Variants in CR1L observed in about 807,000 individuals in gnomAD.
CR1L encodes complement component receptor 1-like protein.
A neutral mutation model predicts 62.3 loss-of-function variants in CR1L; 59 were observed. That is an observed-to-expected ratio of 0.95 (90% CI 0.77 to 1.18). CR1L has a LOEUF of 1.18. Among genes scored for constraint, CR1L ranks in the 50% most tolerant of loss-of-function variants. CR1L has a pLI of 0.00. For synonymous variants in CR1L, 279 were observed against 248.7 expected (o/e 1.12, Z -1.15); for missense variants, 700 against 702.8 (o/e 1.00, Z 0.04).
At chr1:207,677,336 A>AAAAAAAAT in intron 1 of CR1L, 53 bp from the exon 2 acceptor site, 1 of 970,778 alleles carries the variant, frequency 1.0e-6, no homozygotes, top group South Asian at 2.6e-5. Flanking sequence ...AAAAAAAAAA[A>AAAAAAAAT]AGTATGGTAA....
chr1:207,651,208 T>C (rs1338997528), intron 1 of CR1L, among the ~76,000 whole-genome samples: 1 of 152,172 alleles, frequency 6.6e-6, no homozygotes, highest in Non-Finnish European at 1.5e-5. Context: ...ATATTAATTA[T>C]AATATAAAAT....
At chr1:207,693,926 C>A (rs1664031691) in intron 4 of CR1L, among the ~76,000 whole-genome samples, 1 of 152,048 alleles carries the variant, frequency 6.6e-6, no homozygotes, top group South Asian at 2.1e-4. Flanking sequence ...GTTTAAATTC[C>A]TTTTCCTACT....
At chr1:207,679,354 A>T (rs946422440) in intron 3 of CR1L, among the ~76,000 whole-genome samples, 2 of 151,934 alleles carry the variant, frequency 1.3e-5, no homozygotes, top group African/African-American at 4.8e-5. Context: ...ATTGGGGCCC[A>T]CACTAACAAC....
At chr1:207,685,242 C>T (rs1234728741) in intron 4 of CR1L, among the ~76,000 whole-genome samples, 1 of 152,208 alleles carries the variant, frequency 6.6e-6, no homozygotes, top group Non-Finnish European at 1.5e-5. Flanking sequence ...TTGGAGAAGG[C>T]TAGGGGAAGA....
In CR1L at chr1:207,705,956, G is replaced by T. The variant is rs566251094; in HGVS notation, c.1329-2222G>T. The stretch of plus-strand genomic sequence containing the variant: ...GTTTGCACACGAATGAATATATGTA[G>T]TCAGTGTGTTTATATATTTCATTTC... On this transcript the variant is annotated intron_variant, in intron 9 of 11. Transcript: ENST00000508064. 3.5e-4 allele frequency among the ~76,000 whole-genome samples: 53 copies of T among 149,894 alleles called. No homozygotes were observed. In the East Asian group the frequency reaches 8.8e-3, roughly 25 times the overall value.
intron 4 of CR1L, among the ~76,000 whole-genome samples, chr1:207,687,065 C>T (rs771648879): frequency 1.6e-4 from 25 of 152,180 alleles, no homozygotes; most frequent in African/African-American, 5.8e-4. Context: ...CAACCAGCAC[C>T]GCCAATTAAT....
chr1:207,708,735 G>T (rs1190786775), intron 10 of CR1L, among the ~76,000 whole-genome samples: 1 of 152,150 alleles, frequency 6.6e-6, no homozygotes, highest in Non-Finnish European at 1.5e-5. Flanking sequence ...TCTACATTTT[G>T]GGGAGCAAAG....
chr1:207,655,285 T>C, intron 1 of CR1L: 2 of 644,002 alleles, frequency 3.1e-6, no homozygotes, highest in Non-Finnish European at 5.4e-6. Context: ...AGTAAGTAAA[T>C]TCTTTTTTTT....
intron 3 of CR1L, among the ~76,000 whole-genome samples, chr1:207,682,552 G>A (rs1663817302): frequency 2.0e-5 from 3 of 152,192 alleles, no homozygotes; most frequent in Admixed American, 2.0e-4. Context: ...TGTGTCAAGT[G>A]TCTGCAGAAG....
chr1:207,715,028 A>T (rs1008608734), intron 10 of CR1L, among the ~76,000 whole-genome samples: 4 of 152,216 alleles, frequency 2.6e-5, no homozygotes, highest in African/African-American at 9.7e-5. Context: ...TGCCTTCTGT[A>T]GGTGATGCTG....
intron 1 of CR1L, among the ~76,000 whole-genome samples, chr1:207,671,751 A>G (rs185115099): frequency 2.0e-5 from 3 of 150,560 alleles, no homozygotes; most frequent in African/African-American, 7.5e-5. Context: ...GTGAATACCC[A>G]TTTCTACAAA....
chr1:207,699,615 T>A (rs1664161054), intron 8 of CR1L, among the ~76,000 whole-genome samples: 1 of 152,230 alleles, frequency 6.6e-6, no homozygotes, highest in Non-Finnish European at 1.5e-5. Context: ...TTCAGTTCTT[T>A]TTTCCCTTCT....
Position 207,694,403 on chromosome 1 carries a change from A to T in CR1L, c.514A>T (p.Ile172Phe). The change falls in exon 5 of 12, where the codon ATC becomes TTC. Residue 172 changes from isoleucine (I) to phenylalanine (F), a missense_variant. Ile to Phe is a conservative substitution (Grantham distance 21). Coordinates refer to ENST00000508064, the MANE Select transcript of CR1L (RefSeq NM_175710.2). ...PTIANGDFTS[I>F]SREYFHYGSV... ...CATCGCCAATGGAGATTTCACTAGCATCAGCAGAGAGTATTTTCACTATGG... is the reference window on the plus strand; with the variant it reads ...CATCGCCAATGGAGATTTCACTAGCTTCAGCAGAGAGTATTTTCACTATGG... 6.2e-7 allele frequency: 1 copy of T among 1,614,012 alleles called. No individual in the cohort carries two copies. The highest frequency in any genetic ancestry group is 8.5e-7 in the Non-Finnish European group (1 of 1,179,882).
intron 3 of CR1L, 62 bp downstream of exon 3, chr1:207,678,359 C>T (rs1430183313): frequency 7.2e-7 from 1 of 1,392,314 alleles, no homozygotes; most frequent in African/African-American, 1.4e-5. Flanking sequence ...AGCCATACTA[C>T]CTTCTAGTCA....
chr1:207,652,253 A>G (rs974198808), intron 1 of CR1L, among the ~76,000 whole-genome samples: 10 of 152,370 alleles, frequency 6.6e-5, no homozygotes, highest in Admixed American at 5.2e-4. Context: ...AAAAATGTGG[A>G]GAAAGATGCA....
In CR1L at chr1:207,694,553, C is replaced by A. The variant is rs1664043120; in HGVS notation, c.664C>A (p.Pro222Thr). 6.2e-7 allele frequency: 1 copy of A among 1,612,444 alleles called. No individual in the cohort carries two copies. Among genetic ancestry groups the A allele is most frequent in the South Asian group, 1.1e-5 (1 of 91,032 alleles). ...DQVGIWSGPA[P>T]QCIIPNKCTP... ...AGTGGGCATCTGGAGTGGCCCAGCCCCTCAGTGCATTATACCTAACAAATG... is the reference window on the plus strand; with the variant it reads ...AGTGGGCATCTGGAGTGGCCCAGCCACTCAGTGCATTATACCTAACAAATG... The change falls in exon 5 of 12, where the codon CCT becomes ACT. Residue 222 changes from proline to threonine, a missense_variant. Transcript: ENST00000508064.
intron 1 of CR1L, among the ~76,000 whole-genome samples, chr1:207,663,114 T>G (rs1663451944): frequency 6.6e-6 from 1 of 152,214 alleles, no homozygotes. Flanking sequence ...GAGGAGGTAG[T>G]CTGCCCGTTC....
Position 207,697,689 on chromosome 1 carries a change from C to G in CR1L, c.1039+10C>G. The G allele has an allele frequency of 6.2e-7, 1 of 1,614,022 alleles. No individual in the cohort carries two copies. The highest frequency in any genetic ancestry group is 8.5e-7 in the Non-Finnish European group (1 of 1,179,884). Reference sequence around the variant, plus strand: ...GCCCCCAGATGTGAAGGTGACTAGACTCTTATCTGGCTTGGTATTTTTAGC... The same window carrying G: ...GCCCCCAGATGTGAAGGTGACTAGAGTCTTATCTGGCTTGGTATTTTTAGC... On this transcript the variant is annotated intron_variant, in intron 6 of 11. Transcript: ENST00000508064.
At chr1:207,649,959 T>C (rs1251131255) in intron 1 of CR1L, among the ~76,000 whole-genome samples, 1 of 152,178 alleles carries the variant, frequency 6.6e-6, no homozygotes, top group Non-Finnish European at 1.5e-5. Context: ...AGGATACAAC[T>C]ACATAGAATA....
Sources: gnomAD v4.1 joint callset for allele counts (sites outside exome capture counted in the v4.1 genomes callset) on GRCh38, gnomAD v4.1.1 for gene constraint, MANE v1.5 for transcripts, NCBI Gene and HGNC (gene_info 2026-07-23, HGNC 2026-07-21) for gene names.